Variants in FAM171A1 observed in about 807,000 individuals in gnomAD.
FAM171A1 encodes the protein family with sequence similarity 171 member A1.
A neutral mutation model predicts 74.9 loss-of-function variants in FAM171A1; 23 were observed. The observed-to-expected ratio is 0.31, with a 90% CI of 0.22 to 0.44. The LOEUF (loss-of-function observed/expected upper bound fraction) is 0.44, where lower values mean the gene tolerates loss of function less well. Among genes scored for constraint, FAM171A1 ranks in the 20% least tolerant of loss-of-function variants. The pLI is 1.00. For synonymous variants in FAM171A1, 527 were observed against 505.7 expected (o/e 1.04, Z -0.57); for missense variants, 1,162 against 1,159.2 (o/e 1.00, Z -0.03).
chr10:15,328,654 A>G (rs1835588201), intron 1 of FAM171A1, among the ~76,000 whole-genome samples: 1 of 152,170 alleles, frequency 6.6e-6, no homozygotes, highest in Non-Finnish European at 1.5e-5. Flanking sequence ...TACTTGGTTG[A>G]CATCACTACT....
rs71390026 is a variant in FAM171A1, at chr10:15,267,601, C to CAAAA, written c.418+8250_418+8253dup. 5.1e-3 allele frequency among the ~76,000 whole-genome samples: 274 copies of CAAAA among 53,318 alleles called. 2 individuals carry two copies. Among genetic ancestry groups the CAAAA allele is most frequent in the Non-Finnish European group, 6.2e-3 (206 of 33,356 alleles). 35.0% of individuals were successfully genotyped at this position (53,318 alleles called of 152,430 possible). A position where few individuals can be genotyped will look rare whatever the true frequency, so the allele number is the denominator to read the frequency against. On this transcript the variant is annotated intron_variant, in intron 3 of 7. Transcript: ENST00000378116. ...CTGGCAACAGAGCGAGACACCATCGCAAAAAAAAAAAAAAAAAAAAAAAAA... is the reference window on the plus strand; with the variant it reads ...CTGGCAACAGAGCGAGACACCATCGCAAAAAAAAAAAAAAAAAAAAAAAAAAAAA...
intron 3 of FAM171A1, among the ~76,000 whole-genome samples, chr10:15,274,101 G>C (rs1045074721): frequency 1.3e-5 from 2 of 152,196 alleles, no homozygotes; most frequent in Non-Finnish European, 2.9e-5. Flanking sequence ...AATTGTCCCT[G>C]TTTGCAGATG....
chr10:15,253,305 T>A (rs1834533699), intron 4 of FAM171A1, among the ~76,000 whole-genome samples: 1 of 152,084 alleles, frequency 6.6e-6, no homozygotes, highest in Non-Finnish European at 1.5e-5. Context: ...CACCCAGCCT[T>A]AAACCACTTC....
chr10:15,333,858 T>TG (rs754764124), intron 1 of FAM171A1, among the ~76,000 whole-genome samples: 2 of 148,914 alleles, frequency 1.3e-5, no homozygotes, highest in South Asian at 2.1e-4. Flanking sequence ...AAAAGAATAC[T>TG]AAAAAAAAAA....
chr10:15,223,908 T>C (rs7893336), intron 5 of FAM171A1, among the ~76,000 whole-genome samples: 78,064 of 151,622 alleles, frequency 0.51, 21,872 homozygotes, highest in African/African-American at 0.75. Context: ...CAATTAAAAA[T>C]AAAACAAAAC....
At chr10:15,336,172 A>G (rs1012604641) in intron 1 of FAM171A1, among the ~76,000 whole-genome samples, 1 of 152,206 alleles carries the variant, frequency 6.6e-6, no homozygotes, top group African/African-American at 2.4e-5. Context: ...CCTCAGAAAT[A>G]GAGTTTAGGG....
At chr10:15,330,713 C>CTTTTTTT (rs898772126) in intron 1 of FAM171A1, among the ~76,000 whole-genome samples, 190 of 76,730 alleles carry the variant, frequency 2.5e-3, no homozygotes, top group Non-Finnish European at 3.0e-3. Flanking sequence ...TCTTCTTCTT[C>CTTTTTTT]TTTTTTTTTT....
chr10:15,234,173 T>C (rs1004359797), intron 5 of FAM171A1, among the ~76,000 whole-genome samples: 6 of 151,596 alleles, frequency 4.0e-5, no homozygotes, highest in Non-Finnish European at 7.4e-5. Context: ...ATACAAAGTG[T>C]TGATCTTCTT....
rs147785718 is a variant in FAM171A1 at position 15,340,044 on chromosome 10, G to T, written c.97+30912C>A. On this transcript the variant is annotated intron_variant, in intron 1 of 7. Transcript: ENST00000378116. ...TCCCACTGGGTCCCTCCCACAACATGTGGGAATTATGGAAGCTACAATTCA... is the reference window on the plus strand; with the variant it reads ...TCCCACTGGGTCCCTCCCACAACATTTGGGAATTATGGAAGCTACAATTCA... 2.2e-3 allele frequency among the ~76,000 whole-genome samples: 334 copies of T among 152,268 alleles called. 5 individuals carry two copies. In the East Asian group the frequency reaches 0.058, roughly 26 times the overall value.
In FAM171A1 at chr10:15,318,075, T is replaced by A. The variant is rs574891783; in HGVS notation, c.98-33970A>T. 3.3e-5 allele frequency among the ~76,000 whole-genome samples: 5 copies of A among 152,256 alleles called. No individual in the cohort carries two copies. The South Asian group carries it at 8.3e-4, about 25-fold the overall frequency. On this transcript the variant is annotated intron_variant, in intron 1 of 7. Coordinates refer to ENST00000378116, the MANE Select transcript of FAM171A1 (RefSeq NM_001010924.2). ...TCCCAAAGTGCTAGGATTACAGGGG[T>A]GACCCATAGCACCTGGCCTCACACT...
chr10:15,297,842 G>A (rs1413131493), intron 1 of FAM171A1, among the ~76,000 whole-genome samples: 1 of 152,120 alleles, frequency 6.6e-6, no homozygotes, highest in Non-Finnish European at 1.5e-5. Context: ...ACAAAATGAG[G>A]TTTTCTAGGG....
intron 3 of FAM171A1, among the ~76,000 whole-genome samples, chr10:15,269,177 G>A (rs948745992): frequency 1.3e-4 from 20 of 152,044 alleles, no homozygotes; most frequent in Non-Finnish European, 1.9e-4. Flanking sequence ...GCAGTGATAC[G>A]ATCACGGTTC....
chr10:15,248,572 T>C (rs559532129), intron 5 of FAM171A1, 67 bp downstream of exon 5: 27 of 1,495,120 alleles, frequency 1.8e-5, no homozygotes, highest in African/African-American at 2.8e-5. Flanking sequence ...ATGAGCTTCT[T>C]AGAAGGAAAA....
chr10:15,307,365 C>G (rs1254289745), intron 1 of FAM171A1, among the ~76,000 whole-genome samples: 10 of 152,032 alleles, frequency 6.6e-5, no homozygotes, highest in African/African-American at 2.4e-4. Flanking sequence ...CGACTTGAGG[C>G]CGGGTGCAGT....
chr10:15,219,327 C>A (rs553851950), intron 6 of FAM171A1, among the ~76,000 whole-genome samples: 4 of 152,174 alleles, frequency 2.6e-5, no homozygotes, highest in African/African-American at 9.6e-5. Context: ...AAAACACACA[C>A]ACACAAAAAG....
intron 2 of FAM171A1, among the ~76,000 whole-genome samples, chr10:15,278,012 TC>T (rs755127908): frequency 3.3e-5 from 5 of 152,088 alleles, no homozygotes; most frequent in Admixed American, 6.6e-5. Flanking sequence ...CTCCTCGGCC[TC>T]CCAAAGTGCT....
chr10:15,260,470 T>C (rs999525680), intron 3 of FAM171A1, among the ~76,000 whole-genome samples: 68 of 152,182 alleles, frequency 4.5e-4, no homozygotes, highest in African/African-American at 1.5e-3. Flanking sequence ...TGTCTCATAA[T>C]ATGGCTGTTG....
chr10:15,285,456 A>AG (rs1159002299), intron 1 of FAM171A1, among the ~76,000 whole-genome samples: 1 of 152,184 alleles, frequency 6.6e-6, no homozygotes, highest in East Asian at 1.9e-4. Flanking sequence ...GCTGAGGAAG[A>AG]GGCAAGGCTG....
chr10:15,335,137 G>C (rs574621926), intron 1 of FAM171A1, among the ~76,000 whole-genome samples: 59 of 152,242 alleles, frequency 3.9e-4, no homozygotes, highest in African/African-American at 1.3e-3. Context: ...TCAGCTACTT[G>C]GGAGGCTGAG....
Sources: gnomAD v4.1 joint callset for allele counts (sites outside exome capture counted in the v4.1 genomes callset) on GRCh38, gnomAD v4.1.1 for gene constraint, MANE v1.5 for transcripts, NCBI Gene and HGNC (gene_info 2026-07-23, HGNC 2026-07-21) for gene names.